CLCN5: variants seen among roughly 807,000 people sequenced by gnomAD.
The protein encoded by CLCN5 is H(+)/Cl(-) exchange transporter 5.
In CLCN5, 17 loss-of-function variants were observed where a neutral mutation model predicts 54.0. The observed-to-expected ratio is 0.31, with a 90% CI of 0.22 to 0.47. The LOEUF (loss-of-function observed/expected upper bound fraction) is 0.47, where lower values mean the gene tolerates loss of function less well. Among genes scored for constraint, CLCN5 ranks in the 20% least tolerant of loss-of-function variants. The pLI, the probability that CLCN5 is intolerant of heterozygous loss-of-function variation, is 1.00. For synonymous variants in CLCN5, 222 were observed against 233.0 expected (o/e 0.95, Z 0.43); for missense variants, 448 against 646.7 (o/e 0.69, Z 3.33).
At chrX:50,065,764 A>G (rs1307883527) in intron 4 of CLCN5, among the ~76,000 whole-genome samples, 1 of 104,952 alleles carries the variant, frequency 9.5e-6, no homozygotes, top group Non-Finnish European at 1.9e-5. Context: ...AACCAAGCCA[A>G]ATGTCCAACA....
chrX:50,018,666 G>T (rs782716895), intron 3 of CLCN5, among the ~76,000 whole-genome samples: 22 of 111,895 alleles, frequency 2.0e-4, no homozygotes, highest in Non-Finnish European at 4.1e-4. Context: ...TCGTGAATGG[G>T]TGTTGCGTAT....
chrX:50,059,545 G>A (rs899898075), intron 4 of CLCN5, among the ~76,000 whole-genome samples: 14 of 111,429 alleles, frequency 1.3e-4, no homozygotes, highest in African/African-American at 3.9e-4. Flanking sequence ...AATATCAATT[G>A]ACCTACACTG....
At chrX:50,067,821 A>G in intron 4 of CLCN5, 1 of 521,963 alleles carries the variant, frequency 1.9e-6, no homozygotes. Flanking sequence ...GGGGATCTGG[A>G]GAATTGCAAG....
intron 3 of CLCN5, among the ~76,000 whole-genome samples, chrX:49,995,498 A>G (rs1459233066): frequency 2.7e-5 from 3 of 111,737 alleles, no homozygotes; most frequent in Non-Finnish European, 5.6e-5. Flanking sequence ...ACTGGAATGC[A>G]AGGCAGGATG....
intron 3 of CLCN5, among the ~76,000 whole-genome samples, chrX:49,966,766 C>A (rs1408462188): frequency 4.1e-5 from 1 of 24,136 alleles, no homozygotes. Flanking sequence ...TCCCTCCCCC[C>A]TCCCCCGACC....
At chrX:49,988,727 G>A (rs1483619433) in intron 3 of CLCN5, among the ~76,000 whole-genome samples, 3 of 111,940 alleles carry the variant, frequency 2.7e-5, no homozygotes, top group African/African-American at 9.7e-5. Context: ...ATTTTTATTA[G>A]ATTAATGAAC....
At chrX:49,999,526 G>A (rs1445496715) in intron 3 of CLCN5, among the ~76,000 whole-genome samples, 1 of 109,764 alleles carries the variant, frequency 9.1e-6, no homozygotes, top group African/African-American at 3.3e-5. Context: ...TGTACACCAC[G>A]AGGGAGATGA....
chrX:49,959,039 CT>C (rs58403470), intron 3 of CLCN5, among the ~76,000 whole-genome samples: 3 of 109,166 alleles, frequency 2.7e-5, no homozygotes, highest in East Asian at 2.9e-4. Context: ...GTCACTTCTC[CT>C]TTTTTTTTCT....
chrX:50,040,519 A>G (rs1932175449), intron 3 of CLCN5, among the ~76,000 whole-genome samples: 1 of 112,250 alleles, frequency 8.9e-6, no homozygotes, highest in Non-Finnish European at 1.9e-5. Context: ...GCTAAAGAAC[A>G]TTGAGATTGC....
intron 3 of CLCN5, among the ~76,000 whole-genome samples, chrX:49,999,819 A>C (rs1272927611): frequency 8.9e-6 from 1 of 111,880 alleles, no homozygotes; most frequent in Non-Finnish European, 1.9e-5. Context: ...CAACGAATAC[A>C]TTTGCTTTCT....
intron 3 of CLCN5, among the ~76,000 whole-genome samples, chrX:49,977,009 G>C (rs1211352865): frequency 8.9e-6 from 1 of 111,746 alleles, no homozygotes; most frequent in African/African-American, 3.2e-5. Context: ...AGACAATGTG[G>C]AAGAAAAGGT....
chrX:50,033,130 C>T (rs1931803254), intron 3 of CLCN5, among the ~76,000 whole-genome samples: 1 of 111,183 alleles, frequency 9.0e-6, no homozygotes, highest in Non-Finnish European at 1.9e-5. Flanking sequence ...CCCTCTCTCA[C>T]CACTCCTATT....
intron 3 of CLCN5, among the ~76,000 whole-genome samples, chrX:49,947,531 A>C (rs1926822109): frequency 9.0e-6 from 1 of 110,741 alleles, no homozygotes; most frequent in African/African-American, 3.3e-5. Flanking sequence ...AAATCCAGGT[A>C]CTCAGTTTGA....
intron 3 of CLCN5, among the ~76,000 whole-genome samples, chrX:49,960,347 G>T (rs1557174499): frequency 9.0e-6 from 1 of 110,752 alleles, no homozygotes; most frequent in African/African-American, 3.3e-5. Flanking sequence ...TGACCAAACT[G>T]TGATTTCTAA....
intron 3 of CLCN5, among the ~76,000 whole-genome samples, chrX:50,002,539 C>T (rs1212010981): frequency 8.9e-6 from 1 of 111,938 alleles, no homozygotes; most frequent in African/African-American, 3.3e-5. Flanking sequence ...ACCACACAGC[C>T]ACTTCTCATA....
At chrX:49,931,012 A>G (rs1925617902) in intron 3 of CLCN5, among the ~76,000 whole-genome samples, 1 of 111,178 alleles carries the variant, frequency 9.0e-6, no homozygotes, top group Admixed American at 9.6e-5. Context: ...AGTGTGCCCA[A>G]AGATCACCTG....
chrX:50,042,265 A>C (rs1932248049), intron 3 of CLCN5, 51 bp from the exon 4 acceptor site: 1 of 663,582 alleles, frequency 1.5e-6, no homozygotes, highest in Non-Finnish European at 2.2e-6. Flanking sequence ...TGTTACGTGT[A>C]AGGGACTTGA....
At chrX:49,935,216 C>G (rs1401250147) in intron 3 of CLCN5, among the ~76,000 whole-genome samples, 1 of 111,987 alleles carries the variant, frequency 8.9e-6, no homozygotes, top group African/African-American at 3.2e-5. Flanking sequence ...TCCCCCTTAC[C>G]TGCAGTCCAC....
intron 3 of CLCN5, among the ~76,000 whole-genome samples, chrX:49,957,770 T>C (rs376308750): frequency 8.6e-4 from 97 of 112,333 alleles, no homozygotes; most frequent in African/African-American, 2.7e-3. Context: ...TAAAAACTCT[T>C]TTTATTTTAA....
Sources: allele counts gnomAD v4.1 joint callset (sites outside exome capture counted in the v4.1 genomes callset), GRCh38; gene constraint gnomAD v4.1.1; transcripts MANE v1.5; gene names NCBI Gene and HGNC (gene_info 2026-07-23, HGNC 2026-07-21).